Variants in DAB2IP observed in about 807,000 individuals in gnomAD.
DAB2IP encodes the protein DAB2 interacting protein.
In DAB2IP, 28 loss-of-function variants were observed where a neutral mutation model predicts 107.2. The observed-to-expected ratio is 0.26, with a 90% CI of 0.19 to 0.36. DAB2IP has a LOEUF of 0.36. Ranked by LOEUF, DAB2IP falls within the 10% of genes least tolerant of loss-of-function variation. DAB2IP has a pLI of 1.00. For missense variants in DAB2IP, 1,400 were observed against 1,644.7 expected (o/e 0.85, Z 2.57); for synonymous variants, 755 against 706.4 (o/e 1.07, Z -1.09).
chr9:121,593,320 T>C (rs1183832541), intron 1 of DAB2IP, among the ~76,000 whole-genome samples: 1 of 152,162 alleles, frequency 6.6e-6, no homozygotes, highest in Non-Finnish European at 1.5e-5. Context: ...CAGGCTAGAG[T>C]GCAATGGCGT....
chr9:121,727,580 GT>G (rs1831301037), intron 3 of DAB2IP, among the ~76,000 whole-genome samples: 1 of 152,182 alleles, frequency 6.6e-6, no homozygotes, highest in African/African-American at 2.4e-5. Context: ...AGGAGAGCCT[GT>G]TTGGCGGAGC....
At chr9:121,763,554 A>G (rs1275967662) in exon 7 of DAB2IP, 2 of 1,613,832 alleles carry the variant, frequency 1.2e-6, no homozygotes, top group African/African-American at 2.7e-5. Context: ...TGCGGGGACA[A>G]CGAGCACCTC....
intron 1 of DAB2IP, among the ~76,000 whole-genome samples, chr9:121,613,071 A>C (rs927879348): frequency 5.3e-5 from 8 of 152,330 alleles, no homozygotes; most frequent in Admixed American, 3.9e-4. Flanking sequence ...AGGGATGTGG[A>C]AGGAGAAGAT....
At chr9:121,783,136 C>T in exon 16 of DAB2IP, 1 of 1,051,802 alleles carries the variant, frequency 9.5e-7, no homozygotes, top group Non-Finnish European at 1.2e-6. Flanking sequence ...CCCACCCACC[C>T]CCTCTGAACC....
chr9:121,733,363 C>T (rs1001822355), intron 3 of DAB2IP, among the ~76,000 whole-genome samples: 6 of 152,206 alleles, frequency 3.9e-5, no homozygotes, highest in African/African-American at 9.7e-5. Context: ...GGAGGTATTC[C>T]TTGACAGTCG....
chr9:121,737,011 A>C (rs1831976974), intron 3 of DAB2IP, among the ~76,000 whole-genome samples: 1 of 152,104 alleles, frequency 6.6e-6, no homozygotes, highest in South Asian at 2.1e-4. Context: ...CTGGGACGGG[A>C]CTTTGGGTCT....
chr9:121,689,583 C>G (rs1014576460), intron 2 of DAB2IP, among the ~76,000 whole-genome samples: 23 of 146,518 alleles, frequency 1.6e-4, no homozygotes, highest in African/African-American at 5.7e-4. Context: ...CTTGGTGGCT[C>G]TTGGTCCAGG....
At chr9:121,688,146 C>G (rs1403259697) in intron 2 of DAB2IP, among the ~76,000 whole-genome samples, 1 of 152,168 alleles carries the variant, frequency 6.6e-6, no homozygotes, top group Non-Finnish European at 1.5e-5. Context: ...GCCTGCATGT[C>G]AGGGGCAAGG....
At position 121,736,219 on chromosome 9, in the gene DAB2IP, T is replaced by C. The variant is rs1021398810; in HGVS notation, c.363-20794T>C. Among the ~76,000 whole-genome samples, 4 of 152,212 alleles carry C rather than the reference T, an allele frequency of 2.6e-5. No homozygotes were observed. The highest frequency in any genetic ancestry group is 4.4e-5 in the Non-Finnish European group (3 of 68,034). On this transcript the variant is annotated intron_variant, in intron 3 of 15. Transcript: ENST00000408936. This position sits in a 1 kb window ranked among gnomAD's most constrained non-coding sequence, Gnocchi z 4.6. The stretch of plus-strand genomic sequence containing the variant: ...GGGGAAGGGAGAGCGTTTGCCTTGG[T>C]TGGGTCTCTGGGCTGCGCTGGTCTA...
intron 1 of DAB2IP, among the ~76,000 whole-genome samples, chr9:121,594,235 A>ATTT (rs772152487): frequency 2.3e-5 from 3 of 131,168 alleles, no homozygotes; most frequent in African/African-American, 5.7e-5. Context: ...TGAATGCAGC[A>ATTT]TTTTTTTTTT....
intron 1 of DAB2IP, among the ~76,000 whole-genome samples, chr9:121,577,426 A>G (rs1830089340): frequency 6.6e-6 from 1 of 152,238 alleles, no homozygotes; most frequent in Non-Finnish European, 1.5e-5. Flanking sequence ...GCACACGGGC[A>G]GGCGTGCGTG....
At chr9:121,709,236 T>G (rs1280389933) in intron 3 of DAB2IP, among the ~76,000 whole-genome samples, 1 of 152,208 alleles carries the variant, frequency 6.6e-6, no homozygotes, top group African/African-American at 2.4e-5. Flanking sequence ...GGGCTTTGGT[T>G]TACTGCATTC....
rs1444791289 is a variant in DAB2IP at position 121,756,625 on chromosome 9, GA to G, written c.363-387del. 7.2e-5 allele frequency among the ~76,000 whole-genome samples: 11 copies of G among 152,368 alleles called. No individual in the cohort carries two copies. The East Asian group carries it at 2.1e-3, about 29-fold the overall frequency. On this transcript the variant is annotated intron_variant, in intron 3 of 15. Transcript: ENST00000408936. ...GTCTTGGACAAGGACCAGTGCAAAA[GA>G]GAGGGGAAATGGGAAAGCGCCCAGA...
At chr9:121,584,291 T>C (rs1356738419) in intron 1 of DAB2IP, among the ~76,000 whole-genome samples, 1 of 151,980 alleles carries the variant, frequency 6.6e-6, no homozygotes, top group Middle Eastern at 3.2e-3. Flanking sequence ...TGCCTGAAAA[T>C]TTTCATTTAA....
chr9:121,717,004 A>G (rs748751684), intron 3 of DAB2IP, among the ~76,000 whole-genome samples: 1 of 152,208 alleles, frequency 6.6e-6, no homozygotes, highest in African/African-American at 2.4e-5. Flanking sequence ...GGCAAGTCTC[A>G]TACGGAGCTG....
At chr9:121,759,631 C>A (rs1833742019) in intron 5 of DAB2IP, among the ~76,000 whole-genome samples, 1 of 152,166 alleles carries the variant, frequency 6.6e-6, no homozygotes, top group African/African-American at 2.4e-5. Context: ...TACCTTAGTG[C>A]CGTTTCATAG....
chr9:121,587,324 A>G (rs2118919511), intron 1 of DAB2IP, among the ~76,000 whole-genome samples: 1 of 152,256 alleles, frequency 6.6e-6, no homozygotes, highest in Non-Finnish European at 1.5e-5. Flanking sequence ...AATGGGGTTG[A>G]GGCCAGGTGC....
At chr9:121,773,141 G>C (rs1189972665) in exon 12 of DAB2IP, 1 of 1,610,732 alleles carries the variant, frequency 6.2e-7, no homozygotes, top group Non-Finnish European at 8.5e-7. Context: ...CTGCTGCCAA[G>C]CTGGGAAGTT....
chr9:121,642,046 T>TC (rs1471524677), intron 1 of DAB2IP, among the ~76,000 whole-genome samples: 8,543 of 58,756 alleles, frequency 0.15, 1,342 homozygotes, highest in African/African-American at 0.33. Context: ...TTTCTTTCTT[T>TC]CTTTCTTTCT....
Sources: gnomAD v4.1 joint callset for allele counts (sites outside exome capture counted in the v4.1 genomes callset) on GRCh38, gnomAD v4.1.1 for gene constraint, Gnocchi (gnomAD v3.1) non-coding constraint, MANE v1.5 for transcripts, NCBI Gene and HGNC (gene_info 2026-07-23, HGNC 2026-07-21) for gene names.